Variants in KIAA0513 observed in about 807,000 individuals in gnomAD.
KIAA0513 encodes uncharacterized protein KIAA0513.
In KIAA0513, 39 loss-of-function variants were observed where a neutral mutation model predicts 56.5. The ratio of observed to expected loss-of-function variants is 0.69; its 90% CI spans 0.53 to 0.90. The LOEUF (loss-of-function observed/expected upper bound fraction) is 0.90. KIAA0513 is among the 40% of genes least tolerant of loss of function. The probability of loss-of-function intolerance (pLI) is 0.00; values close to 1 mark genes in which losing one functional copy is unlikely to be tolerated. For missense variants in KIAA0513, 591 were observed against 535.2 expected, an observed-to-expected ratio of 1.10 and a Z score of -1.03; for synonymous variants, 268 against 215.6, an observed-to-expected ratio of 1.24 and a Z score of -2.13.
rs1380659173 is a variant in KIAA0513, at chr16:85,071,848, G to C, written c.395G>C (p.Gly132Ala). The C allele has an allele frequency of 6.2e-7, 1 of 1,612,676 alleles. No homozygotes were observed. Among genetic ancestry groups the C allele is most frequent in the African/African-American group, 1.3e-5 (1 of 74,440 alleles). ...GEYCSSENGKGREWFARYVSA... is the reference protein window; with the variant it reads ...GEYCSSENGKAREWFARYVSA... ...TACTGCAGCAGTGAAAATGGAAAAG[G>C]CCGGGAGTGGTTTGCTCGATACGTG... Residue 132 changes from glycine to alanine, a missense_variant, in exon 3 of 13, where the codon GGC becomes GCC. Coordinates refer to ENST00000683363, the MANE Select transcript of KIAA0513 (RefSeq NM_001388359.1).
chr16:85,073,952 T>TTTTG (rs1555524044), intron 4 of KIAA0513, among the ~76,000 whole-genome samples: 1 of 150,884 alleles, frequency 6.6e-6, no homozygotes. Flanking sequence ...TGTGTCGTTT[T>TTTTG]TTTTGTTTTG....
In KIAA0513 at chr16:85,073,233, G is replaced by A. The variant is rs922855308; in HGVS notation, c.503+235G>A. ...CAGCGAATGAGAGGGCTGCCGCTGC[G>A]TGTGAGGAGCATCCTCTGTGTGGGT... is the stretch of plus-strand genomic sequence containing the variant. On this transcript the variant is annotated intron_variant, in intron 4 of 12. Coordinates refer to ENST00000683363, the MANE Select transcript of KIAA0513 (RefSeq NM_001388359.1). 3.9e-5 allele frequency among the ~76,000 whole-genome samples: 6 copies of A among 152,352 alleles called. 1 individual carries two copies. Among genetic ancestry groups the A allele is most frequent in the Middle Eastern group, 6.8e-3 (2 of 294 alleles).
intron 10 of KIAA0513, 127 bp from the exon 11 acceptor site, chr16:85,086,517 C>T: frequency 2.3e-6 from 2 of 865,570 alleles, no homozygotes; most frequent in African/African-American, 1.7e-5. Context: ...GTGGAAGGCA[C>T]CCCCTTCTGT....
intron 12 of KIAA0513, 58 bp downstream of exon 12, chr16:85,087,224 G>T (rs1432992592): frequency 1.5e-6 from 2 of 1,370,714 alleles, no homozygotes; most frequent in Non-Finnish European, 2.1e-6. Context: ...AGGAGCCAGT[G>T]CTGTGCCCGC....
intron 1 of KIAA0513, among the ~76,000 whole-genome samples, chr16:85,044,943 CCT>C (rs2073151431): frequency 6.6e-6 from 1 of 151,892 alleles, no homozygotes; most frequent in Admixed American, 6.5e-5. Flanking sequence ...ACAGTGAAAC[CCT>C]CTCTCTACTA....
Position 85,094,151 on chromosome 16 carries a change from G to C in KIAA0513, c.*5826G>C, listed in dbSNP as rs928604669. Reference sequence around the variant, plus strand: ...AGTGCTAAAATCAAAGGTGTTTGCTGTGAAGAAAAACATGTGTATATATTG... The same window carrying C: ...AGTGCTAAAATCAAAGGTGTTTGCTCTGAAGAAAAACATGTGTATATATTG... On this transcript the variant is annotated 3_prime_UTR_variant, in exon 13 of 13. Coordinates refer to ENST00000683363, the MANE Select transcript of KIAA0513 (RefSeq NM_001388359.1). 2 of 151,926 alleles carry C rather than the reference G, an allele frequency of 1.3e-5. No individual in the cohort carries two copies. Among genetic ancestry groups the C allele is most frequent in the African/African-American group, 4.8e-5 (2 of 41,292 alleles). The allele number at this position is 151,926 out of a possible 1,614,324, so 9.4% of individuals were successfully genotyped here. A position where few individuals can be genotyped will look rare whatever the true frequency, so the allele number is the denominator to read the frequency against.
At chr16:85,040,094 A>C (rs941483875) in intron 1 of KIAA0513, among the ~76,000 whole-genome samples, 28 of 152,168 alleles carry the variant, frequency 1.8e-4, no homozygotes, top group African/African-American at 6.3e-4. Context: ...TCAGCCTCCC[A>C]AAGTGCTGGG....
At chr16:85,087,991 T>C (rs2073829067) in intron 12 of KIAA0513, among the ~76,000 whole-genome samples, 2 of 152,348 alleles carry the variant, frequency 1.3e-5, no homozygotes, top group South Asian at 4.1e-4. Flanking sequence ...CATGACACCA[T>C]TTTCATAAGA....
At chr16:85,052,416 G>A (rs1317503669) in intron 1 of KIAA0513, among the ~76,000 whole-genome samples, 1 of 152,122 alleles carries the variant, frequency 6.6e-6, no homozygotes, top group Non-Finnish European at 1.5e-5. Flanking sequence ...GGAGGCTGAG[G>A]CACCAGAATC....
intron 6 of KIAA0513, among the ~76,000 whole-genome samples, 193 bp downstream of exon 6, chr16:85,077,825 A>T (rs1164102162): frequency 2.6e-5 from 4 of 152,162 alleles, no homozygotes; most frequent in Non-Finnish European, 5.9e-5. Flanking sequence ...ACATGCAGGG[A>T]TGTCCCTGGG....
At chr16:85,064,346 A>G (rs1451059294) in intron 1 of KIAA0513, among the ~76,000 whole-genome samples, 1 of 151,974 alleles carries the variant, frequency 6.6e-6, no homozygotes, top group African/African-American at 2.4e-5. Context: ...CCATCTCCCC[A>G]GTTAGTCAGG....
intron 10 of KIAA0513, 74 bp downstream of exon 10, chr16:85,082,667 G>C (rs1325593746): frequency 1.4e-6 from 2 of 1,475,700 alleles, no homozygotes; most frequent in African/African-American, 1.4e-5. Context: ...GGTGGGGGCT[G>C]TGCACTGTGC....
intron 1 of KIAA0513, among the ~76,000 whole-genome samples, chr16:85,039,760 A>C (rs1301982803): frequency 6.6e-6 from 1 of 151,906 alleles, no homozygotes; most frequent in Non-Finnish European, 1.5e-5. Context: ...GGTGTGAGCC[A>C]CCACTGCTGG....
At chr16:85,028,521 C>A (rs2072919752) in intron 1 of KIAA0513, among the ~76,000 whole-genome samples, 1 of 152,080 alleles carries the variant, frequency 6.6e-6, no homozygotes, top group African/African-American at 2.4e-5. Flanking sequence ...GCGGTTTTAG[C>A]AGCTCAGTTT....
At chr16:85,049,019 T>C (rs2073210113) in intron 1 of KIAA0513, among the ~76,000 whole-genome samples, 3 of 152,108 alleles carry the variant, frequency 2.0e-5, no homozygotes, top group Admixed American at 2.0e-4. Flanking sequence ...AGGGCAGAAG[T>C]TCTTTCTTGA....
At chr16:85,065,177 G>A (rs2073460755) in intron 1 of KIAA0513, among the ~76,000 whole-genome samples, 1 of 152,222 alleles carries the variant, frequency 6.6e-6, no homozygotes, top group South Asian at 2.1e-4. Context: ...CTGTGTGTGT[G>A]GTTTTCTGTT....
intron 3 of KIAA0513, among the ~76,000 whole-genome samples, chr16:85,072,520 T>C (rs1053269647): frequency 3.3e-5 from 5 of 152,124 alleles, no homozygotes; most frequent in Admixed American, 2.6e-4. Context: ...AGTTTTTGAG[T>C]ATTTTAGTGC....
chr16:85,056,130 G>T (rs1325584434), intron 1 of KIAA0513, among the ~76,000 whole-genome samples: 1 of 152,234 alleles, frequency 6.6e-6, no homozygotes. Context: ...GTGCCAGCAG[G>T]CACCTTGAAC....
Position 85,077,613 on chromosome 16 carries a change from C to A in KIAA0513, c.763C>A (p.Pro255Thr). Residue 255 changes from proline to threonine, a missense_variant, in exon 6 of 13, where the codon CCC becomes ACC. Pro to Thr is a conservative substitution (Grantham distance 38, BLOSUM62 -1). Coordinates refer to ENST00000683363, the MANE Select transcript of KIAA0513 (RefSeq NM_001388359.1). The stretch of plus-strand genomic sequence containing the variant: ...GGGGCTGGAGACCAAGCTGAAGGGG[C>A]CCCTGGCCAGGAGGAACGAGTACGT... The part of the protein sequence containing the change: ...FGGLETKLKG[P>T]LARRNEEDEN... The A allele has an allele frequency of 6.2e-7, 1 of 1,612,172 alleles. No homozygotes were observed. Among genetic ancestry groups the A allele is most frequent in the East Asian group, 2.2e-5 (1 of 44,848 alleles).
Sources: allele counts gnomAD v4.1 joint callset (sites outside exome capture counted in the v4.1 genomes callset), GRCh38; gene constraint gnomAD v4.1.1; transcripts MANE v1.5; gene names NCBI Gene and HGNC (gene_info 2026-07-23, HGNC 2026-07-21).